MAN1A2: variants seen among roughly 807,000 people sequenced by gnomAD.
MAN1A2 encodes mannosidase alpha class 1A member 2, also known as mannosyl-oligosaccharide 1,2-alpha-mannosidase IB.
Under a neutral mutation model 75.7 loss-of-function variants are expected in MAN1A2, and 26 were observed. The observed-to-expected ratio is 0.34, with a 90% CI of 0.25 to 0.48. MAN1A2 has a LOEUF of 0.48. MAN1A2 is among the 20% of genes least tolerant of loss of function. The probability of loss-of-function intolerance (pLI) is 0.99; values close to 1 mark genes in which losing one functional copy is unlikely to be tolerated. For missense variants in MAN1A2, 562 were observed against 775.5 expected (o/e 0.72, Z 3.27); for synonymous variants, 247 against 264.6 (o/e 0.93, Z 0.65).
rs554353571 is a variant in MAN1A2 at position 117,428,721 on chromosome 1, C to T, written c.855+8072C>T. Among the ~76,000 whole-genome samples the T allele has an allele frequency of 1.2e-3, 185 of 149,360 alleles. 1 individual carries two copies. The highest frequency in any genetic ancestry group is 2.3e-3 in the Non-Finnish European group (158 of 67,690). ...AGCAAGTGTAGAAAGGTTTAAATGA[C>T]TACATCAATATCAGAGTATACTTCA... On this transcript the variant is annotated intron_variant, in intron 5 of 12. Coordinates refer to ENST00000356554, the MANE Select transcript of MAN1A2 (RefSeq NM_006699.5).
intron 4 of MAN1A2, among the ~76,000 whole-genome samples, chr1:117,419,229 T>G (rs1181199677): frequency 6.6e-6 from 1 of 152,072 alleles, no homozygotes; most frequent in African/African-American, 2.4e-5. Context: ...TGATCTAAAC[T>G]GATGTAAGAT....
In MAN1A2 at chr1:117,523,443, A is replaced by G. The variant is rs1371074999; in HGVS notation, c.*486A>G. ...AATAATGGAATGAACTAAAATAAAC[A>G]AGAACAAAAGAATAGTATAATTATA... is the stretch of plus-strand genomic sequence containing the variant. On this transcript the variant is annotated 3_prime_UTR_variant, in exon 13 of 13. Coordinates refer to ENST00000356554, the MANE Select transcript of MAN1A2 (RefSeq NM_006699.5). 6.2e-6 allele frequency: 2 copies of G among 322,838 alleles called. No individual in the cohort carries two copies. Among genetic ancestry groups the G allele is most frequent in the Non-Finnish European group, 1.2e-5 (2 of 163,798 alleles). 20.0% of individuals were successfully genotyped at this position (322,838 alleles called of 1,614,324 possible). A position where few individuals can be genotyped will look rare whatever the true frequency, so the allele number is the denominator to read the frequency against.
At position 117,392,615 on chromosome 1, in the gene MAN1A2, A is replaced by G. The variant is rs7553086; in HGVS notation, c.303-9571A>G. On this transcript the variant is annotated intron_variant, in intron 1 of 12. Coordinates refer to ENST00000356554, the MANE Select transcript of MAN1A2 (RefSeq NM_006699.5). Reference sequence around the variant, plus strand: ...CTTTCACATTTCGTAAATTTTACTGAGTTAAGCTGAAATTACTTGAATGAC... The same window carrying G: ...CTTTCACATTTCGTAAATTTTACTGGGTTAAGCTGAAATTACTTGAATGAC... Among the ~76,000 whole-genome samples the G allele has an allele frequency of 2.2e-3, 334 of 152,264 alleles. 1 individual carries two copies. The highest frequency in any genetic ancestry group is 7.7e-3 in the African/African-American group (319 of 41,562).
At chr1:117,376,152 C>T (rs540941492) in intron 1 of MAN1A2, among the ~76,000 whole-genome samples, 1 of 152,150 alleles carries the variant, frequency 6.6e-6, no homozygotes, top group African/African-American at 2.4e-5. Context: ...CCTCGTGATC[C>T]GCCCGCCTCG....
chr1:117,483,348 A>T (rs927693016), intron 8 of MAN1A2, among the ~76,000 whole-genome samples: 11 of 152,070 alleles, frequency 7.2e-5, no homozygotes, highest in African/African-American at 2.7e-4. Context: ...CATTTTCATG[A>T]TAGTGGTTCT....
Position 117,368,044 on chromosome 1 carries a change from C to CT in MAN1A2, c.-138dup. 4 of 783,358 alleles carry CT rather than the reference C, an allele frequency of 5.1e-6. No homozygotes were observed. The highest frequency in any genetic ancestry group is 8.1e-6 in the Non-Finnish European group (4 of 491,818). 48.5% of individuals were successfully genotyped at this position (783,358 alleles called of 1,614,324 possible). A position where few individuals can be genotyped will look rare whatever the true frequency, so the allele number is the denominator to read the frequency against. ...TGGATGGGCGTGAATGACGTGCCCT[C>CT]TTAAAAAGCACAACAGTCCTTTAAG... On this transcript the variant is annotated 5_prime_UTR_variant, in exon 1 of 13. An upstream open reading frame in the 5' UTR loses its in-frame stop. Transcript: ENST00000356554.
intron 1 of MAN1A2, among the ~76,000 whole-genome samples, chr1:117,386,361 C>G (rs1227894158): frequency 2.0e-5 from 3 of 152,100 alleles, no homozygotes; most frequent in Non-Finnish European, 4.4e-5. Context: ...AGCTTGGAAA[C>G]ATGGGGACAT....
chr1:117,380,299 A>G (rs774235181), intron 1 of MAN1A2, among the ~76,000 whole-genome samples: 8 of 152,176 alleles, frequency 5.3e-5, no homozygotes, highest in Admixed American at 1.3e-4. Flanking sequence ...AGGAACGTCT[A>G]TCCAGGCTTT....
At chr1:117,453,435 G>A (rs1291286090) in intron 6 of MAN1A2, among the ~76,000 whole-genome samples, 2 of 152,176 alleles carry the variant, frequency 1.3e-5, no homozygotes, top group African/African-American at 4.8e-5. Context: ...GAGTTTGGAA[G>A]AATTTGATTC....
intron 5 of MAN1A2, among the ~76,000 whole-genome samples, chr1:117,423,444 A>C (rs1453818637): frequency 6.6e-6 from 1 of 152,170 alleles, no homozygotes; most frequent in Non-Finnish European, 1.5e-5. Flanking sequence ...TGGGATTATA[A>C]ATTTTGAGTG....
chr1:117,415,830 A>G (rs1279974024), intron 4 of MAN1A2, among the ~76,000 whole-genome samples: 2 of 152,048 alleles, frequency 1.3e-5, no homozygotes, highest in Non-Finnish European at 2.9e-5. Flanking sequence ...CAGACATTTT[A>G]TCCAGTTGAC....
intron 1 of MAN1A2, among the ~76,000 whole-genome samples, chr1:117,398,734 ATGTATGAGATGAAGC>A (rs1482512505): frequency 5.5e-4 from 83 of 152,228 alleles, no homozygotes; most frequent in Non-Finnish European, 1.0e-3. Flanking sequence ...CTAGAGGAGT[ATGTATGAGATGAAGC>A]TTGAGAGATA....
chr1:117,467,229 T>C (rs1451290754), intron 8 of MAN1A2, among the ~76,000 whole-genome samples: 1 of 152,178 alleles, frequency 6.6e-6, no homozygotes, highest in African/African-American at 2.4e-5. Context: ...TAATAGAGAT[T>C]GCAACTTTGC....
At chr1:117,434,933 C>T (rs1408470188) in intron 5 of MAN1A2, among the ~76,000 whole-genome samples, 3 of 151,620 alleles carry the variant, frequency 2.0e-5, no homozygotes, top group Non-Finnish European at 4.4e-5. Context: ...TTGGGTGATA[C>T]GTGGAGGGGG....
chr1:117,523,054 T>TAG lies in MAN1A2; in HGVS notation c.*98_*99insGA. On this transcript the variant is annotated 3_prime_UTR_variant, in exon 13 of 13. Transcript: ENST00000356554. The stretch of plus-strand genomic sequence containing the variant: ...GGCGGCTTTTGAAAACCTGGACCTC[T>TAG]ATGTCAACATGACAGGGTGAAACTA... The TAG allele has an allele frequency of 1.6e-6, 2 of 1,282,658 alleles. No individual in the cohort carries two copies. The highest frequency in any genetic ancestry group is 3.5e-5 in the Admixed American group (2 of 57,242). 79.5% of individuals were successfully genotyped at this position (1,282,658 alleles called of 1,614,324 possible).
intron 5 of MAN1A2, among the ~76,000 whole-genome samples, chr1:117,426,856 A>G (rs1207063481): frequency 6.6e-6 from 1 of 152,144 alleles, no homozygotes; most frequent in Non-Finnish European, 1.5e-5. Context: ...TAGCTTGCAT[A>G]GTTTGTGATG....
intron 3 of MAN1A2, among the ~76,000 whole-genome samples, chr1:117,410,805 A>T (rs1407656221): frequency 1.3e-5 from 2 of 151,778 alleles, no homozygotes; most frequent in African/African-American, 4.8e-5. Context: ...GTGTCTTGGT[A>T]TACTTGCAAC....
Position 117,525,685 on chromosome 1 carries a change from A to G in MAN1A2, c.*2728A>G, listed in dbSNP as rs1313342721. The G allele has an allele frequency of 1.3e-5, 2 of 151,848 alleles. No individual in the cohort carries two copies. The highest frequency in any genetic ancestry group is 4.8e-5 in the African/African-American group (2 of 41,398). The allele number at this position is 151,848 out of a possible 1,614,324, so 9.4% of individuals were successfully genotyped here. A position where few individuals can be genotyped will look rare whatever the true frequency, so the allele number is the denominator to read the frequency against. On this transcript the variant is annotated 3_prime_UTR_variant, in exon 13 of 13. Transcript: ENST00000356554. ...AATTTTGAACACTGTTCTTCCTTCTACATTTATTTCTCTTCATTTTAGAAT... is the reference window on the plus strand; with the variant it reads ...AATTTTGAACACTGTTCTTCCTTCTGCATTTATTTCTCTTCATTTTAGAAT...
rs192172760 is a variant in MAN1A2 at position 117,528,417 on chromosome 1, G to A, written c.*5460G>A. On this transcript the variant is annotated 3_prime_UTR_variant, in exon 13 of 13. Coordinates refer to ENST00000356554, the MANE Select transcript of MAN1A2 (RefSeq NM_006699.5). ...ACATGCTGTCAGGTTGCTTCAGCTC[G>A]GTGTGAATGTAAGTGTGGGGATCAA... 5 of 151,944 alleles carry A rather than the reference G, an allele frequency of 3.3e-5. No individual in the cohort carries two copies. The highest frequency in any genetic ancestry group is 1.3e-4 in the Admixed American group (2 of 15,206). The allele number at this position is 151,944 out of a possible 1,614,324, so 9.4% of individuals were successfully genotyped here.
Sources: gnomAD v4.1 joint callset for allele counts (sites outside exome capture counted in the v4.1 genomes callset) on GRCh38, gnomAD v4.1.1 for gene constraint, MANE v1.5 for transcripts, NCBI Gene and HGNC (gene_info 2026-07-23, HGNC 2026-07-21) for gene names.